The following EHBP1 variants were observed in gnomAD, a reference collection of about 807,000 sequenced individuals.
EHBP1 encodes the protein EH domain binding protein 1, also known as EH domain-binding protein 1.
A neutral mutation model predicts 144.0 loss-of-function variants in EHBP1; 55 were observed. The observed-to-expected ratio is 0.38, with a 90% CI of 0.31 to 0.48. The LOEUF is 0.48. Ranked by LOEUF, EHBP1 falls within the 20% of genes least tolerant of loss-of-function variation. EHBP1 has a pLI of 0.98. For synonymous variants in EHBP1, 469 were observed against 472.7 expected (o/e 0.99, Z 0.10); for missense variants, 1,200 against 1,364.2 (o/e 0.88, Z 1.90).
At chr2:62,766,147 T>C (rs2041168566) in intron 4 of EHBP1, among the ~76,000 whole-genome samples, 1 of 152,116 alleles carries the variant, frequency 6.6e-6, no homozygotes, top group African/African-American at 2.4e-5. Flanking sequence ...AGAAAATGAG[T>C]AAACAGACAT....
At chr2:62,769,816 A>G (rs891585553) in intron 4 of EHBP1, among the ~76,000 whole-genome samples, 12 of 121,794 alleles carry the variant, frequency 9.9e-5, no homozygotes, top group South Asian at 8.5e-4. Flanking sequence ...AAAAAAAAAA[A>G]GCAGGCATGT....
intron 14 of EHBP1, chr2:62,956,033 A>G (rs1381351968): frequency 6.4e-6 from 1 of 156,022 alleles, no homozygotes; most frequent in Non-Finnish European, 1.4e-5. Context: ...TTTATTGAAT[A>G]CCTACTAAGT....
intron 1 of EHBP1, among the ~76,000 whole-genome samples, chr2:62,696,120 T>TTCCC (rs1432348061): frequency 6.6e-6 from 1 of 151,492 alleles, no homozygotes; most frequent in African/African-American, 2.4e-5. Context: ...TCTTTGAAGT[T>TTCCC]TCCCTCCCTC....
At chr2:62,833,154 G>A (rs2046952472) in intron 7 of EHBP1, among the ~76,000 whole-genome samples, 2 of 152,214 alleles carry the variant, frequency 1.3e-5, no homozygotes, top group Admixed American at 6.5e-5. Flanking sequence ...GCCTAATCCA[G>A]ATCAAGGCCC....
At chr2:62,809,987 T>C (rs2044855108) in intron 5 of EHBP1, among the ~76,000 whole-genome samples, 1 of 152,240 alleles carries the variant, frequency 6.6e-6, no homozygotes, top group African/African-American at 2.4e-5. Flanking sequence ...AATGGTTATG[T>C]AAATTTGTGG....
At chr2:63,015,341 A>G (rs921054397) in intron 19 of EHBP1, among the ~76,000 whole-genome samples, 10 of 152,236 alleles carry the variant, frequency 6.6e-5, no homozygotes, top group Non-Finnish European at 1.3e-4. Flanking sequence ...AGTAGAGACT[A>G]TCTTCTAAAT....
At chr2:62,734,100 A>G (rs2037873324) in intron 2 of EHBP1, among the ~76,000 whole-genome samples, 1 of 152,216 alleles carries the variant, frequency 6.6e-6, no homozygotes, top group Admixed American at 6.5e-5. Flanking sequence ...ACTGGAAAGT[A>G]GAAGTCTTTT....
At chr2:62,857,751 A>G (rs1421618906) in intron 7 of EHBP1, among the ~76,000 whole-genome samples, 1 of 152,118 alleles carries the variant, frequency 6.6e-6, no homozygotes, top group Non-Finnish European at 1.5e-5. Flanking sequence ...CATGTAAAAA[A>G]TTGTATCTTA....
chr2:62,793,782 C>G (rs991743653), intron 5 of EHBP1, among the ~76,000 whole-genome samples: 2 of 151,848 alleles, frequency 1.3e-5, no homozygotes, highest in African/African-American at 4.8e-5. Context: ...TCTTTATTCT[C>G]CAATGGGGAA....
intron 2 of EHBP1, among the ~76,000 whole-genome samples, chr2:62,713,404 G>A (rs983628527): frequency 6.6e-6 from 1 of 151,942 alleles, no homozygotes; most frequent in Non-Finnish European, 1.5e-5. Context: ...ACCATGTCTG[G>A]CTAGTTTTTT....
chr2:62,838,821 A>G (rs1378676285), intron 7 of EHBP1, among the ~76,000 whole-genome samples: 3 of 142,668 alleles, frequency 2.1e-5, no homozygotes, highest in Non-Finnish European at 4.6e-5. Context: ...TAGACCAATA[A>G]CAGGAGCTGA....
At chr2:62,827,243 G>C (rs1196844202) in intron 6 of EHBP1, among the ~76,000 whole-genome samples, 2 of 152,158 alleles carry the variant, frequency 1.3e-5, no homozygotes, top group Admixed American at 6.5e-5. Flanking sequence ...CTGGCAAGTT[G>C]GATTCTAAGC....
At chr2:62,965,028 G>A (rs1251323211) in intron 14 of EHBP1, 1 of 152,628 alleles carries the variant, frequency 6.6e-6, no homozygotes, top group Non-Finnish European at 1.5e-5. Context: ...AAGAAGTCCA[G>A]AAATACCAGG....
At position 62,890,147 on chromosome 2, in the gene EHBP1, G is replaced by T. The variant is rs543237298; in HGVS notation, c.1185+15615G>T. 9.2e-5 allele frequency among the ~76,000 whole-genome samples: 14 copies of T among 152,036 alleles called. No homozygotes were observed. In the East Asian group the frequency reaches 2.7e-3, roughly 29 times the overall value. ...AGCTAATTTTTGTATTTTTAGTAGA[G>T]ACTGGGTCTCGATCTCCAGACCTTG... On this transcript the variant is annotated intron_variant, in intron 10 of 22. Coordinates refer to ENST00000431489, the MANE Select transcript of EHBP1 (RefSeq NM_001142616.3).
intron 21 of EHBP1, among the ~76,000 whole-genome samples, chr2:63,042,865 ATTT>A (rs914707007): frequency 6.6e-6 from 1 of 151,854 alleles, no homozygotes; most frequent in Admixed American, 6.6e-5. Context: ...TCTTGGTTTA[ATTT>A]TTTTAATATA....
At chr2:62,802,115 G>A (rs528936206) in intron 5 of EHBP1, among the ~76,000 whole-genome samples, 1 of 152,326 alleles carries the variant, frequency 6.6e-6, no homozygotes, top group South Asian at 2.1e-4. Flanking sequence ...ACTAATAACT[G>A]ATATCATATA....
chr2:62,993,408 C>A, intron 16 of EHBP1, 122 bp from the exon 17 acceptor site: 1 of 888,454 alleles, frequency 1.1e-6, no homozygotes, highest in Non-Finnish European at 1.6e-6. Context: ...GCTTTAAAAT[C>A]CTTTTCTTGC....
intron 2 of EHBP1, among the ~76,000 whole-genome samples, chr2:62,727,665 A>G (rs1165686378): frequency 6.6e-6 from 1 of 152,196 alleles, no homozygotes; most frequent in African/African-American, 2.4e-5. Context: ...ATAATCTATT[A>G]TATGGATATG....
intron 10 of EHBP1, among the ~76,000 whole-genome samples, chr2:62,875,064 C>T (rs1212116535): frequency 1.3e-5 from 2 of 152,164 alleles, no homozygotes; most frequent in Non-Finnish European, 2.9e-5. Flanking sequence ...GACCCTGCCA[C>T]CCTGCCCCTG....
Sources: gnomAD v4.1 joint callset for allele counts (sites outside exome capture counted in the v4.1 genomes callset) on GRCh38, gnomAD v4.1.1 for gene constraint, MANE v1.5 for transcripts, NCBI Gene and HGNC (gene_info 2026-07-23, HGNC 2026-07-21) for gene names.